The following GTF2F2 variants were observed in gnomAD, a reference collection of about 807,000 sequenced individuals.
The protein encoded by GTF2F2 is ATP-dependent helicase GTF2F2.
A neutral mutation model predicts 42.2 loss-of-function variants in GTF2F2; 23 were observed. That is an observed-to-expected ratio of 0.55 (90% CI 0.39 to 0.77). GTF2F2 has a LOEUF of 0.77. Among genes scored for constraint, GTF2F2 ranks in the 30% least tolerant of loss-of-function variants. The probability of loss-of-function intolerance (pLI) is 0.00; values close to 1 mark genes in which losing one functional copy is unlikely to be tolerated. For missense variants in GTF2F2, 261 were observed against 287.2 expected (o/e 0.91, Z 0.66); for synonymous variants, 105 against 100.8 (o/e 1.04, Z -0.25).
At chr13:45,199,117 A>G (rs1873047411) in intron 4 of GTF2F2, among the ~76,000 whole-genome samples, 1 of 152,232 alleles carries the variant, frequency 6.6e-6, no homozygotes, top group South Asian at 2.1e-4. Context: ...GAACCTTCCT[A>G]GGACTAATAG....
intron 7 of GTF2F2, among the ~76,000 whole-genome samples, chr13:45,273,434 T>G (rs779527976): frequency 1.1e-4 from 16 of 152,046 alleles, no homozygotes; most frequent in Non-Finnish European, 1.0e-4. Flanking sequence ...TTTAGTAATA[T>G]AAACAAATGA....
At chr13:45,197,995 AAG>A (rs977214371) in intron 4 of GTF2F2, among the ~76,000 whole-genome samples, 23 of 152,368 alleles carry the variant, frequency 1.5e-4, no homozygotes, top group African/African-American at 5.5e-4. Flanking sequence ...AAAAATTTGA[AAG>A]ATTGGGGTCC....
chr13:45,127,492 ATTTTTTT>A (rs34519885), intron 1 of GTF2F2, among the ~76,000 whole-genome samples: 1 of 137,470 alleles, frequency 7.3e-6, no homozygotes, highest in African/African-American at 2.7e-5. Context: ...CGCCCAACTA[ATTTTTTT>A]TTTTTTTTTT....
chr13:45,271,203 AT>A (rs1206606402), intron 7 of GTF2F2, among the ~76,000 whole-genome samples: 1 of 151,686 alleles, frequency 6.6e-6, no homozygotes, highest in Non-Finnish European at 1.5e-5. Context: ...AGGCAGGAGA[AT>A]GGTGTGAACC....
intron 4 of GTF2F2, among the ~76,000 whole-genome samples, chr13:45,196,340 G>A (rs938595399): frequency 2.0e-5 from 3 of 152,100 alleles, no homozygotes; most frequent in Non-Finnish European, 2.9e-5. Context: ...TGACTAAAAC[G>A]TCCTTTACTC....
intron 7 of GTF2F2, among the ~76,000 whole-genome samples, chr13:45,281,176 A>G (rs888099522): frequency 2.0e-5 from 3 of 152,156 alleles, no homozygotes; most frequent in Non-Finnish European, 4.4e-5. Context: ...AGTGAAGCCA[A>G]CTGTATAAGG....
chr13:45,214,632 ATTACT>A (rs1566137919), intron 5 of GTF2F2, among the ~76,000 whole-genome samples: 1 of 152,148 alleles, frequency 6.6e-6, no homozygotes, highest in Non-Finnish European at 1.5e-5. Context: ...TAGGAGAAAA[ATTACT>A]TTGAATTGGT....
chr13:45,261,015 A>G (rs1319476690), intron 6 of GTF2F2, among the ~76,000 whole-genome samples: 1 of 152,198 alleles, frequency 6.6e-6, no homozygotes, highest in Non-Finnish European at 1.5e-5. Flanking sequence ...AATCTCAGCT[A>G]TTCAAGAGGC....
chr13:45,151,070 T>C (rs1288396015), intron 3 of GTF2F2, among the ~76,000 whole-genome samples: 1 of 152,158 alleles, frequency 6.6e-6, no homozygotes. Flanking sequence ...ATTTATTCTG[T>C]CACCCAAATA....
Position 45,120,539 on chromosome 13 carries a change from A to G in GTF2F2, c.-117A>G, listed in dbSNP as rs1010652836. On this transcript the variant is annotated 5_prime_UTR_variant, in exon 1 of 8. Transcript: ENST00000340473. ...GTTCCCAGTGTTCTGGCAGGTAAGGAACGCCGGCTCTTCGCCTCTCAGCGC... is the reference window on the plus strand; with the variant it reads ...GTTCCCAGTGTTCTGGCAGGTAAGGGACGCCGGCTCTTCGCCTCTCAGCGC... 1.4e-5 allele frequency: 10 copies of G among 712,906 alleles called. No individual in the cohort carries two copies. The Admixed American group carries it at 1.5e-4, about 11-fold the overall frequency. 44.2% of individuals were successfully genotyped at this position (712,906 alleles called of 1,614,324 possible).
chr13:45,280,779 A>G (rs1004269489), intron 7 of GTF2F2, among the ~76,000 whole-genome samples: 1 of 152,180 alleles, frequency 6.6e-6, no homozygotes, highest in African/African-American at 2.4e-5. Context: ...TTCTGGGCCT[A>G]GATTATAAAT....
intron 5 of GTF2F2, among the ~76,000 whole-genome samples, chr13:45,211,211 C>T (rs982897913): frequency 6.6e-6 from 1 of 151,914 alleles, no homozygotes; most frequent in Non-Finnish European, 1.5e-5. Context: ...TAATTTAATC[C>T]CATTTGGCAG....
Position 45,243,150 on chromosome 13 carries a change from C to G in GTF2F2, c.387-9721C>G, listed in dbSNP as rs555528681. On this transcript the variant is annotated intron_variant, in intron 5 of 7. Coordinates refer to ENST00000340473, the MANE Select transcript of GTF2F2 (RefSeq NM_004128.3). ...TCACATACCAAAATTCTCAGATGCT[C>G]AAGTCCCTTATATAAAATGGTGTTG... Among the ~76,000 whole-genome samples, 6 of 152,274 alleles carry G rather than the reference C, an allele frequency of 3.9e-5. No homozygotes were observed. In the South Asian group the frequency reaches 1.2e-3, roughly 32 times the overall value.
chr13:45,130,592 A>G (rs1869294354), intron 1 of GTF2F2, among the ~76,000 whole-genome samples: 1 of 152,188 alleles, frequency 6.6e-6, no homozygotes, highest in Non-Finnish European at 1.5e-5. Flanking sequence ...AGTTGGTGAG[A>G]AAAGGCTGGA....
intron 4 of GTF2F2, among the ~76,000 whole-genome samples, chr13:45,174,739 G>C (rs1382688140): frequency 6.6e-6 from 1 of 151,182 alleles, no homozygotes; most frequent in Non-Finnish European, 1.5e-5. Flanking sequence ...GGACTTCAGA[G>C]GGAAGGAGAG....
intron 4 of GTF2F2, among the ~76,000 whole-genome samples, chr13:45,155,124 C>G (rs1870690787): frequency 6.6e-6 from 1 of 152,096 alleles, no homozygotes; most frequent in Non-Finnish European, 1.5e-5. Flanking sequence ...TAGGATGGTA[C>G]CAGAGCTTTC....
chr13:45,272,980 G>T (rs995190429), intron 7 of GTF2F2, among the ~76,000 whole-genome samples: 1 of 135,954 alleles, frequency 7.4e-6, no homozygotes, highest in Admixed American at 7.7e-5. Context: ...AGGCTGGAGT[G>T]CAGTGGCGCA....
At chr13:45,199,841 A>G (rs955898049) in intron 4 of GTF2F2, among the ~76,000 whole-genome samples, 2 of 152,064 alleles carry the variant, frequency 1.3e-5, no homozygotes, top group Admixed American at 6.6e-5. Context: ...GTTCCTTCTG[A>G]TTTTCTCATC....
chr13:45,123,372 A>T (rs1165892865), intron 1 of GTF2F2: 1 of 152,354 alleles, frequency 6.6e-6, no homozygotes, highest in African/African-American at 2.4e-5. Context: ...TGATGTCTGT[A>T]ATCCCAGCAC....
Sources: allele counts gnomAD v4.1 joint callset (sites outside exome capture counted in the v4.1 genomes callset), GRCh38; gene constraint gnomAD v4.1.1; transcripts MANE v1.5; gene names NCBI Gene and HGNC (gene_info 2026-07-23, HGNC 2026-07-21).